Variants in MAGI2 observed in about 807,000 individuals in gnomAD.
MAGI2 encodes the protein membrane-associated guanylate kinase, WW and PDZ domain-containing protein 2.
A neutral mutation model predicts 133.3 loss-of-function variants in MAGI2; 35 were observed. The observed-to-expected ratio is 0.26, with a 90% CI of 0.20 to 0.35. MAGI2 has a LOEUF of 0.35. Ranked by LOEUF, MAGI2 falls within the 10% of genes least tolerant of loss-of-function variation. The pLI is 1.00. For synonymous variants in MAGI2, 729 were observed against 710.6 expected, an observed-to-expected ratio of 1.03 and a Z score of -0.41; for missense variants, 1,636 against 1,863.4, an observed-to-expected ratio of 0.88 and a Z score of 2.25.
At chr7:79,162,465 T>G (rs1824463497) in intron 1 of MAGI2, among the ~76,000 whole-genome samples, 2 of 151,960 alleles carry the variant, frequency 1.3e-5, no homozygotes, top group South Asian at 4.1e-4. Context: ...GCGTGAAATT[T>G]TAAGGGCTGA....
rs1829070207 is a variant in MAGI2, at chr7:79,206,476, G to T, written c.302-199270C>A. Among the ~76,000 whole-genome samples the T allele has an allele frequency of 2.0e-5, 3 of 151,166 alleles. No homozygotes were observed. The South Asian group carries it at 6.3e-4, about 32-fold the overall frequency. On this transcript the variant is annotated intron_variant, in intron 1 of 21. Transcript: ENST00000354212. ...ACAAATTGGATAATCTAGAAGAAGT[G>T]GACAAATTCCTTGACACATGCTACC...
intron 2 of MAGI2, among the ~76,000 whole-genome samples, chr7:78,869,467 T>C (rs1794850169): frequency 6.6e-6 from 1 of 152,184 alleles, no homozygotes; most frequent in Non-Finnish European, 1.5e-5. Flanking sequence ...CCCAACACCA[T>C]TTATTGAATA....
chr7:78,539,228 G>A (rs1265889929), intron 3 of MAGI2, among the ~76,000 whole-genome samples: 2 of 152,156 alleles, frequency 1.3e-5, no homozygotes, highest in Admixed American at 6.5e-5. Flanking sequence ...ATAAAGGGAC[G>A]CTGAATTTTG....
Position 78,676,852 on chromosome 7 carries a change from T to C in MAGI2, c.419-49613A>G, listed in dbSNP as rs565499402. On this transcript the variant is annotated intron_variant, in intron 2 of 21. Transcript: ENST00000354212. ...CCGTAAATAATGAGTATGTATTTAATAGCTGCTTTCTTGCCAAATACATTG... is the reference window on the plus strand; with the variant it reads ...CCGTAAATAATGAGTATGTATTTAACAGCTGCTTTCTTGCCAAATACATTG... Among the ~76,000 whole-genome samples, 8 of 152,246 alleles carry C rather than the reference T, an allele frequency of 5.3e-5. No homozygotes were observed. In the South Asian group the frequency reaches 1.7e-3, roughly 32 times the overall value.
intron 1 of MAGI2, among the ~76,000 whole-genome samples, chr7:79,159,407 C>T (rs1824133644): frequency 6.6e-6 from 1 of 151,344 alleles, no homozygotes; most frequent in South Asian, 2.1e-4. Context: ...GTCTCAGCTA[C>T]TCGGGAGGCT....
intron 6 of MAGI2, among the ~76,000 whole-genome samples, chr7:78,425,714 C>A (rs6466213): frequency 0.18 from 27,788 of 152,100 alleles, 3,368 homozygotes; most frequent in African/African-American, 0.34. Context: ...CACAAACTTT[C>A]TTGGGCAATA....
chr7:78,681,894 A>AT (rs1381620668), intron 2 of MAGI2, among the ~76,000 whole-genome samples: 3 of 152,300 alleles, frequency 2.0e-5, no homozygotes, highest in Middle Eastern at 3.4e-3. Context: ...CACAACCTTT[A>AT]TATGACAACC....
chr7:78,325,182 C>A (rs747316181), intron 9 of MAGI2, among the ~76,000 whole-genome samples: 1 of 152,182 alleles, frequency 6.6e-6, no homozygotes, highest in Non-Finnish European at 1.5e-5. Flanking sequence ...TATTATCCCA[C>A]TGTACCCCTA....
At chr7:78,719,788 T>C (rs1295056587) in intron 2 of MAGI2, among the ~76,000 whole-genome samples, 6 of 152,194 alleles carry the variant, frequency 3.9e-5, no homozygotes, top group African/African-American at 1.4e-4. Flanking sequence ...AAACATACCT[T>C]TCCTGTGGAC....
At chr7:78,207,087 A>C (rs1787176974) in intron 10 of MAGI2, among the ~76,000 whole-genome samples, 1 of 152,052 alleles carries the variant, frequency 6.6e-6, no homozygotes, top group Admixed American at 6.6e-5. Flanking sequence ...AGAGAACAAA[A>C]GTGTGCACAT....
At chr7:78,376,666 A>ACTAT (rs1297352278) in intron 6 of MAGI2, among the ~76,000 whole-genome samples, 1 of 152,164 alleles carries the variant, frequency 6.6e-6, no homozygotes, top group Non-Finnish European at 1.5e-5. Context: ...TTGATGTATG[A>ACTAT]AAAAATATAT....
chr7:78,927,742 G>A (rs1451296959), intron 2 of MAGI2, among the ~76,000 whole-genome samples: 1 of 151,526 alleles, frequency 6.6e-6, no homozygotes, highest in Non-Finnish European at 1.5e-5. Flanking sequence ...TATTAATTTA[G>A]TTAATATTAA....
rs1373528319 is a variant in MAGI2, at chr7:78,048,953, A to AC, written c.3707-28978_3707-28977insG. Among the ~76,000 whole-genome samples the AC allele has an allele frequency of 6.0e-5, 9 of 150,652 alleles. No individual in the cohort carries two copies. The South Asian group carries it at 1.9e-3, about 32-fold the overall frequency. On this transcript the variant is annotated intron_variant, in intron 21 of 21. Transcript: ENST00000354212. Reference sequence around the variant, plus strand: ...GAAACCCGTCTCTACTAAAATACAAAAAAAATTAGCCGGGCGTGGTGGCGT... The same window carrying AC: ...GAAACCCGTCTCTACTAAAATACAAACAAAAATTAGCCGGGCGTGGTGGCGT...
At chr7:78,753,937 G>C (rs1823700130) in intron 2 of MAGI2, among the ~76,000 whole-genome samples, 1 of 152,000 alleles carries the variant, frequency 6.6e-6, no homozygotes, top group Non-Finnish European at 1.5e-5. Flanking sequence ...TATCCTTCAA[G>C]ACTGAAGGTG....
At chr7:79,427,376 AT>A (rs200366455) in intron 1 of MAGI2, among the ~76,000 whole-genome samples, 317 of 152,262 alleles carry the variant, frequency 2.1e-3, no homozygotes, top group African/African-American at 7.2e-3. Flanking sequence ...TTAAAGTAAA[AT>A]TAAAAAATTA....
chr7:78,600,103 G>T (rs1256513089), intron 3 of MAGI2, among the ~76,000 whole-genome samples: 1 of 151,952 alleles, frequency 6.6e-6, no homozygotes, highest in Non-Finnish European at 1.5e-5. Context: ...ATACCTTTTT[G>T]TAAATATCTC....
At chr7:78,893,199 A>AGAAT (rs1181431938) in intron 2 of MAGI2, among the ~76,000 whole-genome samples, 2 of 152,106 alleles carry the variant, frequency 1.3e-5, no homozygotes, top group Non-Finnish European at 2.9e-5. Flanking sequence ...CACACCAGTT[A>AGAAT]GAATGGCAAT....
At chr7:79,010,629 C>T (rs1432106584) in intron 1 of MAGI2, among the ~76,000 whole-genome samples, 1 of 152,022 alleles carries the variant, frequency 6.6e-6, no homozygotes, top group Non-Finnish European at 1.5e-5. Flanking sequence ...TCATAGGATG[C>T]ACACATCAAT....
rs1371989640 is a variant in MAGI2, at chr7:79,353,819, G to A, written c.301+99201C>T. The A allele has an allele frequency of 1.3e-5, 3 of 222,278 alleles. No individual in the cohort carries two copies. In the Admixed American group the frequency reaches 1.5e-4, roughly 11 times the overall value. The allele number at this position is 222,278 out of a possible 1,614,324, so 13.8% of individuals were successfully genotyped here. On this transcript the variant is annotated intron_variant, in intron 1 of 21. Transcript: ENST00000354212. ...CCACTTTCACTGGGTGCTGGCAGGG[G>A]GTGGTGGTGGGGCTGGAACTGCTGG...
Sources: gnomAD v4.1 joint callset for allele counts (sites outside exome capture counted in the v4.1 genomes callset) on GRCh38, gnomAD v4.1.1 for gene constraint, MANE v1.5 for transcripts, NCBI Gene and HGNC (gene_info 2026-07-23, HGNC 2026-07-21) for gene names.